The following BMPR1B variants were observed in gnomAD, a reference collection of about 807,000 sequenced individuals.
The protein encoded by BMPR1B is bone morphogenetic protein receptor type-1B.
A neutral mutation model predicts 59.1 loss-of-function variants in BMPR1B; 12 were observed. The ratio of observed to expected loss-of-function variants is 0.20; its 90% CI spans 0.13 to 0.33. The LOEUF (loss-of-function observed/expected upper bound fraction) is 0.33. Ranked by LOEUF, BMPR1B falls within the 10% of genes least tolerant of loss-of-function variation. The pLI, the probability that BMPR1B is intolerant of heterozygous loss-of-function variation, is 1.00. For synonymous variants in BMPR1B, 237 were observed against 207.3 expected (o/e 1.14, Z -1.23); for missense variants, 550 against 610.9 (o/e 0.90, Z 1.05).
chr4:95,119,208 T>G (rs1732293702), intron 6 of BMPR1B, among the ~76,000 whole-genome samples: 1 of 152,136 alleles, frequency 6.6e-6, no homozygotes, highest in Admixed American at 6.6e-5. Flanking sequence ...AATCTAAAAT[T>G]TTTGCAAAAT....
intron 3 of BMPR1B, among the ~76,000 whole-genome samples, chr4:95,002,770 CT>C (rs1463205182): frequency 6.6e-6 from 1 of 152,120 alleles, no homozygotes. Flanking sequence ...ATACCTTTCA[CT>C]TTAAATAAGT....
chr4:94,935,909 G>T (rs1007070741), intron 2 of BMPR1B, among the ~76,000 whole-genome samples: 1 of 152,176 alleles, frequency 6.6e-6, no homozygotes, highest in African/African-American at 2.4e-5. Context: ...TCTAACAGAG[G>T]AGTGAAAAGT....
intron 1 of BMPR1B, among the ~76,000 whole-genome samples, chr4:94,874,163 A>G (rs1045145822): frequency 1.7e-4 from 26 of 152,098 alleles, no homozygotes; most frequent in African/African-American, 6.0e-4. Flanking sequence ...ATGTGTGTGT[A>G]TATATATACA....
chr4:95,030,469 A>G (rs560501598), intron 3 of BMPR1B, among the ~76,000 whole-genome samples: 1 of 152,162 alleles, frequency 6.6e-6, no homozygotes, highest in African/African-American at 2.4e-5. Flanking sequence ...CTGTTCAGGG[A>G]TGCCCTCTCT....
chr4:95,138,552 C>T (rs11945285), intron 10 of BMPR1B, among the ~76,000 whole-genome samples: 5,320 of 150,222 alleles, frequency 0.035, 323 homozygotes, highest in African/African-American at 0.12. Flanking sequence ...ACCAATCAGA[C>T]GTAGATTTGG....
intron 2 of BMPR1B, among the ~76,000 whole-genome samples, chr4:94,920,188 T>C (rs939788240): frequency 6.6e-6 from 1 of 152,194 alleles, no homozygotes; most frequent in Non-Finnish European, 1.5e-5. Context: ...TTTTGACAAA[T>C]TCTTTTAAAT....
At chr4:94,908,329 G>GA (rs554857535) in intron 2 of BMPR1B, among the ~76,000 whole-genome samples, 372 of 145,296 alleles carry the variant, frequency 2.6e-3, no homozygotes, top group Non-Finnish European at 4.6e-3. Context: ...ATTTGAAATT[G>GA]TTTTTTTTTT....
chr4:94,875,060 T>TC (rs1353187704), intron 1 of BMPR1B, among the ~76,000 whole-genome samples: 2 of 152,098 alleles, frequency 1.3e-5, no homozygotes, highest in African/African-American at 2.4e-5. Context: ...CTAAGTAACA[T>TC]CCCCAAACTG....
intron 3 of BMPR1B, among the ~76,000 whole-genome samples, chr4:95,019,931 A>C (rs1723850257): frequency 6.6e-6 from 1 of 152,190 alleles, no homozygotes; most frequent in African/African-American, 2.4e-5. Flanking sequence ...AGTTACTGCC[A>C]ATATTGGTAC....
intron 2 of BMPR1B, among the ~76,000 whole-genome samples, chr4:94,908,653 A>T (rs966690389): frequency 1.3e-5 from 2 of 151,676 alleles, no homozygotes; most frequent in African/African-American, 4.9e-5. Flanking sequence ...AGAGTAATTA[A>T]TTTCAAATAC....
chr4:95,041,626 G>A (rs1270506658), intron 3 of BMPR1B, among the ~76,000 whole-genome samples: 1 of 141,972 alleles, frequency 7.0e-6, no homozygotes, highest in Non-Finnish European at 1.5e-5. Context: ...TTTTTTTTTG[G>A]CCCCAGATAT....
At chr4:95,135,619 A>G (rs937054781) in intron 10 of BMPR1B, among the ~76,000 whole-genome samples, 6 of 152,072 alleles carry the variant, frequency 3.9e-5, no homozygotes, top group Admixed American at 1.3e-4. Flanking sequence ...ATTCTCTTTG[A>G]AGCAATTGTG....
intron 1 of BMPR1B, among the ~76,000 whole-genome samples, chr4:94,772,223 A>G (rs1722212046): frequency 6.6e-6 from 1 of 152,236 alleles, no homozygotes; most frequent in Non-Finnish European, 1.5e-5. Context: ...TCTGCCAGCC[A>G]GCCAGTGGGC....
chr4:94,973,960 TAA>T (rs1216270199), intron 2 of BMPR1B, among the ~76,000 whole-genome samples: 22 of 152,242 alleles, frequency 1.4e-4, no homozygotes, highest in African/African-American at 5.3e-4. Flanking sequence ...GTCGACATTT[TAA>T]AGACTCCAGT....
chr4:95,142,639 G>T (rs550843670), intron 10 of BMPR1B, among the ~76,000 whole-genome samples: 2 of 151,850 alleles, frequency 1.3e-5, no homozygotes, highest in South Asian at 4.2e-4. Flanking sequence ...AGGACCATCC[G>T]CATGTGCCCA....
In BMPR1B at chr4:94,940,901, A is replaced by G. The variant is rs573098890; in HGVS notation, c.-112-55139A>G. On this transcript the variant is annotated intron_variant, in intron 2 of 12. Coordinates refer to ENST00000515059, the MANE Select transcript of BMPR1B (RefSeq NM_001203.3). ...TCTGGTTTTCTAATCCCCTGCAGAA[A>G]AGTTGTTCTGAATTTGTAGGTTCGT... 2.0e-5 allele frequency among the ~76,000 whole-genome samples: 3 copies of G among 151,978 alleles called. No homozygotes were observed. The East Asian group carries it at 5.8e-4, about 29-fold the overall frequency.
chr4:95,145,120 G>A (rs1560690620), intron 10 of BMPR1B, among the ~76,000 whole-genome samples: 1 of 152,098 alleles, frequency 6.6e-6, no homozygotes, highest in Non-Finnish European at 1.5e-5. Flanking sequence ...TTTTTCTCTG[G>A]TTTTTCTTTT....
intron 2 of BMPR1B, among the ~76,000 whole-genome samples, chr4:94,886,050 T>A (rs901829566): frequency 1.3e-5 from 2 of 152,186 alleles, no homozygotes; most frequent in Non-Finnish European, 2.9e-5. Flanking sequence ...AGACAAAGAT[T>A]GTTAACACTG....
chr4:94,832,055 GTAATAT>G (rs1381020188), intron 1 of BMPR1B, among the ~76,000 whole-genome samples: 2 of 149,522 alleles, frequency 1.3e-5, no homozygotes, highest in African/African-American at 4.8e-5. Context: ...GTATTACAAT[GTAATAT>G]TAATAATAAT....
Sources: allele counts gnomAD v4.1 joint callset (sites outside exome capture counted in the v4.1 genomes callset), GRCh38; gene constraint gnomAD v4.1.1; transcripts MANE v1.5; gene names NCBI Gene and HGNC (gene_info 2026-07-23, HGNC 2026-07-21).